Variants in ELSPBP1 observed in about 807,000 individuals in gnomAD.
ELSPBP1 encodes epididymal sperm binding protein 1.
ELSPBP1 carries 38 observed loss-of-function variants against 33.3 expected under a neutral mutation model. The observed-to-expected ratio is 1.14, with a 90% CI of 0.88 to 1.50. The LOEUF is 1.50. Ranked by LOEUF, ELSPBP1 falls within the 40% of genes most tolerant of loss-of-function variation. ELSPBP1 has a pLI of 0.00. For synonymous variants in ELSPBP1, 85 were observed against 94.1 expected (o/e 0.90, Z 0.56); for missense variants, 267 against 263.5 (o/e 1.01, Z -0.09).
rs767847937 is a variant in ELSPBP1 at position 48,019,720 on chromosome 19, G to A, written c.357G>A (p.Glu119=). The A allele has an allele frequency of 4.3e-6, 7 of 1,613,564 alleles. No individual in the cohort carries two copies. The highest frequency in any genetic ancestry group is 1.7e-4 in the Middle Eastern group (1 of 6,008). Residue 119 remains glutamate (E), a splice_region_variant and synonymous_variant, in exon 5 of 7, where the codon GAG becomes GAA. Coordinates refer to ENST00000339841, the MANE Select transcript of ELSPBP1 (RefSeq NM_022142.5). ...TAACCTTTCCATAATCCTTTTCAGA[G>A]TATGGGGGAAATTCTCTCAGGAAGC... ...KQQWKFCETN[E]YGGNSLRKPC... is the part of the protein sequence containing the mutation.
At chr19:47,997,364 ATGTGCATG>A (rs1966921413) in intron 1 of ELSPBP1, among the ~76,000 whole-genome samples, 1 of 152,170 alleles carries the variant, frequency 6.6e-6, no homozygotes, top group South Asian at 2.1e-4. Flanking sequence ...ATGTGAGCAT[ATGTGCATG>A]CATATACCTG....
In ELSPBP1 at chr19:48,008,647, A is replaced by G; in HGVS notation, c.-17-4A>G. The G allele has an allele frequency of 6.2e-7, 1 of 1,612,324 alleles. No homozygotes were observed. Among genetic ancestry groups the G allele is most frequent in the Non-Finnish European group, 8.5e-7 (1 of 1,178,834 alleles). ...GATGAAAATTTTTGTCTTCTTTTCC[A>G]CAGAGAAGAGGGCAGCCAAGATGAC... On this transcript the variant is annotated splice_polypyrimidine_tract_variant and splice_region_variant and intron_variant, in intron 1 of 6. Coordinates refer to ENST00000339841, the MANE Select transcript of ELSPBP1 (RefSeq NM_022142.5).
intron 5 of ELSPBP1, among the ~76,000 whole-genome samples, chr19:48,021,822 A>T (rs770901613): frequency 2.6e-5 from 4 of 151,498 alleles, no homozygotes; most frequent in Non-Finnish European, 5.9e-5. Flanking sequence ...TCATGGCTCA[A>T]TGCCGCCTCG....
chr19:48,012,856 G>A (rs1600107629), intron 2 of ELSPBP1, among the ~76,000 whole-genome samples: 1 of 152,078 alleles, frequency 6.6e-6, no homozygotes, highest in Non-Finnish European at 1.5e-5. Context: ...ATATAAAAAA[G>A]CACTACCACT....
chr19:48,016,113 C>CTGGGCAAGG, intron 4 of ELSPBP1, 74 bp downstream of exon 4: 15 of 1,560,378 alleles, frequency 9.6e-6, no homozygotes, highest in Non-Finnish European at 1.2e-5. Context: ...TGAGGGGAGG[C>CTGGGCAAGG]TGGGCAAGGT....
At position 48,016,056 on chromosome 19, in the gene ELSPBP1, G is replaced by A. The variant is rs1967129236; in HGVS notation, c.355+17G>A. On this transcript the variant is annotated intron_variant, in intron 4 of 6. Transcript: ENST00000339841. ...AAACGAATGGTGAGCCCCTGTAGCA[G>A]GGATGGGATGTGTGGTGGGAGGGAG... 6.2e-7 allele frequency: 1 copy of A among 1,611,302 alleles called. No homozygotes were observed. Among genetic ancestry groups the A allele is most frequent in the African/African-American group, 1.3e-5 (1 of 74,860 alleles).
chr19:48,006,308 G>A (rs756914367), intron 1 of ELSPBP1, among the ~76,000 whole-genome samples: 65 of 152,132 alleles, frequency 4.3e-4, no homozygotes, highest in Admixed American at 3.9e-4. Flanking sequence ...TTGACACGAC[G>A]AAACTGAGGC....
chr19:48,000,966 T>G (rs1966961471), intron 1 of ELSPBP1, among the ~76,000 whole-genome samples: 1 of 152,182 alleles, frequency 6.6e-6, no homozygotes, highest in Non-Finnish European at 1.5e-5. Flanking sequence ...TCTCTTACAG[T>G]TCTGTGAGTC....
chr19:47,996,148 G>C (rs1966910103), intron 1 of ELSPBP1, among the ~76,000 whole-genome samples: 1 of 152,210 alleles, frequency 6.6e-6, no homozygotes, highest in South Asian at 2.1e-4. Context: ...TGGATGGGTG[G>C]TGGATTGAAG....
intron 1 of ELSPBP1, among the ~76,000 whole-genome samples, chr19:48,003,489 G>A (rs568586456): frequency 6.6e-6 from 1 of 151,248 alleles, no homozygotes; most frequent in African/African-American, 2.4e-5. Flanking sequence ...ACTAGGGATT[G>A]TATTCTAAAG....
At chr19:47,998,863 G>C (rs185993538) in intron 1 of ELSPBP1, among the ~76,000 whole-genome samples, 3 of 151,604 alleles carry the variant, frequency 2.0e-5, no homozygotes, top group South Asian at 2.1e-4. Flanking sequence ...AGTCTCAGAC[G>C]AGCTTGTGTA....
In ELSPBP1 at chr19:48,008,473, G is replaced by A. The variant is rs138427212; in HGVS notation, c.-17-178G>A. Among the ~76,000 whole-genome samples the A allele has an allele frequency of 7.8e-4, 119 of 152,196 alleles. No homozygotes were observed. The East Asian group carries it at 0.017, about 22-fold the overall frequency. On this transcript the variant is annotated intron_variant, in intron 1 of 6. Transcript: ENST00000339841. The stretch of plus-strand genomic sequence containing the variant: ...TGGTCTTGAACTTCTGGCTTTAAGC[G>A]ATCCTTTGTCTTGGTCTCCCAAAAT...
At chr19:48,015,238 T>A (rs542912722) in intron 3 of ELSPBP1, among the ~76,000 whole-genome samples, 1 of 152,072 alleles carries the variant, frequency 6.6e-6, no homozygotes, top group African/African-American at 2.4e-5. Flanking sequence ...CATCTTCATG[T>A]TGAGGAGGAG....
intron 4 of ELSPBP1, among the ~76,000 whole-genome samples, chr19:48,017,360 T>C (rs2122327953): frequency 6.6e-6 from 1 of 152,356 alleles, no homozygotes; most frequent in Non-Finnish European, 1.5e-5. Flanking sequence ...ATTTGTGTTC[T>C]TTACTATAAA....
intron 3 of ELSPBP1, among the ~76,000 whole-genome samples, chr19:48,015,575 T>G (rs1967122905): frequency 6.6e-6 from 1 of 152,160 alleles, no homozygotes; most frequent in Non-Finnish European, 1.5e-5. Context: ...GGAGAATTGC[T>G]TGAACCCAAG....
rs1211826721 is a variant in ELSPBP1, at chr19:48,011,648, G to C, written c.71-2523G>C. On this transcript the variant is annotated intron_variant, in intron 2 of 6. Transcript: ENST00000339841. This position sits in a 1 kb window ranked among gnomAD's most constrained non-coding sequence, Gnocchi z 4.5. ...CAACGATGATGATGATCATCATCCT[G>C]ATGACAATGACAATAATGAGACTGA... 1.3e-5 allele frequency among the ~76,000 whole-genome samples: 2 copies of C among 151,630 alleles called. No individual in the cohort carries two copies. The highest frequency in any genetic ancestry group is 2.9e-5 in the Non-Finnish European group (2 of 67,920).
intron 1 of ELSPBP1, among the ~76,000 whole-genome samples, chr19:48,006,644 AAAAG>A (rs1967022682): frequency 2.0e-5 from 3 of 147,500 alleles, no homozygotes; most frequent in African/African-American, 7.6e-5. Flanking sequence ...AAAAAAAAAA[AAAAG>A]AAAAGAAAAA....
At chr19:48,010,765 T>C (rs1967067957) in intron 2 of ELSPBP1, among the ~76,000 whole-genome samples, 1 of 151,918 alleles carries the variant, frequency 6.6e-6, no homozygotes, top group South Asian at 2.1e-4. Context: ...AATCAGGGAG[T>C]GAGAACAGGC....
In ELSPBP1 at chr19:48,005,764, G is replaced by A. The variant is rs538165939; in HGVS notation, c.-17-2887G>A. On this transcript the variant is annotated intron_variant, in intron 1 of 6. Transcript: ENST00000339841. ...GTTAAGAGCTCAATTACTCTGAACT[G>A]AGTCAGATTGTTGGAGTTCACTTGC... is the stretch of plus-strand genomic sequence containing the variant. Among the ~76,000 whole-genome samples, 3 of 152,300 alleles carry A rather than the reference G, an allele frequency of 2.0e-5. No individual in the cohort carries two copies. The East Asian group carries it at 5.8e-4, about 29-fold the overall frequency.
Sources: gnomAD v4.1 joint callset for allele counts (sites outside exome capture counted in the v4.1 genomes callset) on GRCh38, gnomAD v4.1.1 for gene constraint, Gnocchi (gnomAD v3.1) non-coding constraint, MANE v1.5 for transcripts, NCBI Gene and HGNC (gene_info 2026-07-23, HGNC 2026-07-21) for gene names.